The following CBR4 variants were observed in gnomAD, a reference collection of about 807,000 sequenced individuals.
CBR4 encodes carbonyl reductase 4, also known as 3-oxoacyl-[acyl-carrier-protein] reductase.
CBR4 carries 22 observed loss-of-function variants against 21.0 expected under a neutral mutation model. The ratio of observed to expected loss-of-function variants is 1.05; its 90% CI spans 0.75 to 1.50. The LOEUF (loss-of-function observed/expected upper bound fraction) is 1.50, where lower values mean the gene tolerates loss of function less well. Among genes scored for constraint, CBR4 ranks in the 40% most tolerant of loss-of-function variants. The pLI, the probability that CBR4 is intolerant of heterozygous loss-of-function variation, is 0.00. For synonymous variants in CBR4, 100 were observed against 104.4 expected, an observed-to-expected ratio of 0.96 and a Z score of 0.26; for missense variants, 302 against 286.3, an observed-to-expected ratio of 1.05 and a Z score of -0.40.
intron 2 of CBR4, among the ~76,000 whole-genome samples, chr4:168,911,330 C>T (rs561947881): frequency 2.0e-5 from 3 of 152,198 alleles, no homozygotes; most frequent in African/African-American, 4.8e-5. Context: ...TTTTTCTAAC[C>T]GCATAAATGA....
At chr4:168,995,760 G>C (rs1182062090) in intron 4 of CBR4, among the ~76,000 whole-genome samples, 1 of 151,996 alleles carries the variant, frequency 6.6e-6, no homozygotes, top group Non-Finnish European at 1.5e-5. Context: ...TGCATCTCCT[G>C]GAGAGTTAGA....
At chr4:168,899,830 T>C (rs940549252) in intron 2 of CBR4, among the ~76,000 whole-genome samples, 1 of 151,684 alleles carries the variant, frequency 6.6e-6, no homozygotes, top group Non-Finnish European at 1.5e-5. Flanking sequence ...GGCAGGAGAA[T>C]TGCTGGAACC....
At chr4:168,936,721 G>A (rs886981360) in intron 2 of CBR4, among the ~76,000 whole-genome samples, 4 of 152,068 alleles carry the variant, frequency 2.6e-5, no homozygotes, top group African/African-American at 9.7e-5. Context: ...AAAGCATGAA[G>A]ACAAGATTAG....
intron 2 of CBR4, among the ~76,000 whole-genome samples, chr4:168,911,294 A>G (rs1758888990): frequency 6.6e-6 from 1 of 152,228 alleles, no homozygotes; most frequent in African/African-American, 2.4e-5. Context: ...TTCAAGTTTA[A>G]GTCTGAATTT....
intron 2 of CBR4, among the ~76,000 whole-genome samples, chr4:168,922,191 A>G (rs182782780): frequency 6.6e-6 from 1 of 151,686 alleles, no homozygotes; most frequent in African/African-American, 2.4e-5. Context: ...GTCATTGTCA[A>G]ACTACACTCA....
In CBR4 at chr4:168,971,878, T is replaced by G. The variant is rs116523789; in HGVS notation, n.169+30193A>C. On this transcript the variant is annotated intron_variant and non_coding_transcript_variant, in intron 2 of 3. Transcript: ENST00000509108. ...TGAACTCTTTAGGCCAAGGTCTACA[T>G]GAGTTTTTCCAGTGTTATCTTCTAG... 4.5e-3 allele frequency among the ~76,000 whole-genome samples: 691 copies of G among 152,286 alleles called. 7 individuals are homozygous for G. Among genetic ancestry groups the G allele is most frequent in the African/African-American group, 0.016 (659 of 41,578 alleles).
At chr4:168,919,036 A>C (rs1015057140) in intron 2 of CBR4, among the ~76,000 whole-genome samples, 3 of 152,212 alleles carry the variant, frequency 2.0e-5, no homozygotes, top group Non-Finnish European at 4.4e-5. Context: ...GAGAGTGACT[A>C]AATGATGGGT....
At chr4:168,941,504 C>G (rs191530552) in intron 2 of CBR4, among the ~76,000 whole-genome samples, 7 of 152,124 alleles carry the variant, frequency 4.6e-5, no homozygotes, top group Admixed American at 4.6e-4. Flanking sequence ...TTCAACATCC[C>G]TCTACACAAA....
At chr4:168,918,458 C>T (rs948104018) in intron 2 of CBR4, among the ~76,000 whole-genome samples, 9 of 151,954 alleles carry the variant, frequency 5.9e-5, no homozygotes, top group Non-Finnish European at 1.2e-4. Flanking sequence ...ACTACAGGAT[C>T]TTACTTATAT....
chr4:168,918,343 T>TAC (rs1202454647), intron 2 of CBR4, among the ~76,000 whole-genome samples: 1 of 150,886 alleles, frequency 6.6e-6, no homozygotes, highest in Non-Finnish European at 1.5e-5. Context: ...TATATATACA[T>TAC]ACATACACAC....
At position 169,009,992 on chromosome 4, in the gene CBR4, G is replaced by C; in HGVS notation, c.98C>G (p.Ala33Gly). 6.2e-7 allele frequency: 1 copy of C among 1,613,338 alleles called. No homozygotes were observed. Residue 33 changes from alanine to glycine, a missense_variant, in exon 1 of 5, where the codon GCC becomes GGC. Physicochemically the swap from Ala to Gly is moderately conservative, Grantham distance 60. Transcript: ENST00000306193. ...ARKGYRLAVIARNLEGAKAAA... is the reference protein window; with the variant it reads ...ARKGYRLAVIGRNLEGAKAAA... ...GGCTTTGGCCCCTTCCAGGTTTCTG[G>C]CAATGACCGCCAGTCGGTAGCCTTT...
intron 2 of CBR4, among the ~76,000 whole-genome samples, chr4:168,969,278 G>C (rs546790402): frequency 3.9e-5 from 6 of 152,118 alleles, no homozygotes; most frequent in Non-Finnish European, 8.8e-5. Context: ...ATTAGGTCTG[G>C]ATCAGAGAAC....
chr4:168,988,204 G>T lies in CBR4; in HGVS notation c.*1946C>A, dbSNP rs1484471440. On this transcript the variant is annotated 3_prime_UTR_variant, in exon 5 of 5. Transcript: ENST00000306193. ...GGAGTGGGCGGATTCACCTGGAGTGGAGCAGTGAAGGTTTATTTTACCTCT... is the reference window on the plus strand; with the variant it reads ...GGAGTGGGCGGATTCACCTGGAGTGTAGCAGTGAAGGTTTATTTTACCTCT... 1.0e-6 allele frequency: 1 copy of T among 985,276 alleles called. No homozygotes were observed. The highest frequency in any genetic ancestry group is 1.7e-5 in the African/African-American group (1 of 57,234). 61.0% of individuals were successfully genotyped at this position (985,276 alleles called of 1,614,324 possible). A position where few individuals can be genotyped will look rare whatever the true frequency, so the allele number is the denominator to read the frequency against.
intron 2 of CBR4, chr4:168,898,109 C>T (rs1371907691): frequency 7.1e-6 from 2 of 283,670 alleles, no homozygotes; most frequent in African/African-American, 2.2e-5. Flanking sequence ...TACCACCCTG[C>T]ATCAGCTTTT....
intron 4 of CBR4, among the ~76,000 whole-genome samples, chr4:168,991,628 A>G (rs1250265808): frequency 6.6e-6 from 1 of 152,212 alleles, no homozygotes; most frequent in Non-Finnish European, 1.5e-5. Flanking sequence ...CCAATCCTAA[A>G]TAACTACAAA....
intron 3 of CBR4, among the ~76,000 whole-genome samples, chr4:169,003,525 A>C (rs775811819): frequency 6.6e-6 from 1 of 152,264 alleles, no homozygotes; most frequent in East Asian, 1.9e-4. Context: ...AATATCCTAT[A>C]AACTTAGTTG....
At chr4:168,964,738 G>C (rs1763967592) in intron 2 of CBR4, among the ~76,000 whole-genome samples, 1 of 152,216 alleles carries the variant, frequency 6.6e-6, no homozygotes, top group South Asian at 2.1e-4. Context: ...AGCAAGAAAA[G>C]CTCTGTCAGG....
At chr4:168,931,981 T>A (rs1762982134) in intron 2 of CBR4, among the ~76,000 whole-genome samples, 3 of 151,228 alleles carry the variant, frequency 2.0e-5, no homozygotes, top group Admixed American at 2.0e-4. Context: ...TTAGAAGAGG[T>A]GACTGTTCTA....
Position 168,938,154 on chromosome 4 carries a change from G to A in CBR4, n.170-43389C>T, listed in dbSNP as rs188522802. ...CAATCTAATTAGAATTTAGGATTAA[G>A]AAACTCACTCAAAACCACGTAATTA... On this transcript the variant is annotated intron_variant and non_coding_transcript_variant, in intron 2 of 3. Transcript: ENST00000509108. Among the ~76,000 whole-genome samples, 7 of 152,298 alleles carry A rather than the reference G, an allele frequency of 4.6e-5. No individual in the cohort carries two copies. In the East Asian group the frequency reaches 1.3e-3, roughly 29 times the overall value.
Sources: allele counts gnomAD v4.1 joint callset (sites outside exome capture counted in the v4.1 genomes callset), GRCh38; gene constraint gnomAD v4.1.1; transcripts MANE v1.5; gene names NCBI Gene and HGNC (gene_info 2026-07-23, HGNC 2026-07-21).